The following RORA variants were observed in gnomAD, a reference collection of about 807,000 sequenced individuals.
The protein encoded by RORA is nuclear receptor ROR-alpha.
In RORA, 7 loss-of-function variants were observed where a neutral mutation model predicts 69.5. That is an observed-to-expected ratio of 0.10 (90% CI 0.06 to 0.19). The LOEUF is 0.19. RORA is among the 10% of genes least tolerant of loss of function. The probability of loss-of-function intolerance (pLI) is 1.00; values close to 1 mark genes in which losing one functional copy is unlikely to be tolerated. For synonymous variants in RORA, 261 were observed against 240.8 expected, an observed-to-expected ratio of 1.08 and a Z score of -0.78; for missense variants, 457 against 663.0, an observed-to-expected ratio of 0.69 and a Z score of 3.41.
At position 60,492,277 on chromosome 15, in the gene RORA, A is replaced by G. The variant is rs893644178; in HGVS notation, c.*5178T>C. ...AACTTCTCTGACTTTATGGAAAGTA[A>G]TATGTGGAATATGATAACAAAACGG... On this transcript the variant is annotated 3_prime_UTR_variant, in exon 11 of 11. Transcript: ENST00000335670. 6.6e-6 allele frequency: 1 copy of G among 152,236 alleles called. No individual in the cohort carries two copies. Among genetic ancestry groups the G allele is most frequent in the Admixed American group, 6.5e-5 (1 of 15,280 alleles). The allele number at this position is 152,236 out of a possible 1,614,324, so 9.4% of individuals were successfully genotyped here. A position where few individuals can be genotyped will look rare whatever the true frequency, so the allele number is the denominator to read the frequency against.
At chr15:61,200,114 G>GA (rs1173674072) in intron 1 of RORA, among the ~76,000 whole-genome samples, 1 of 152,208 alleles carries the variant, frequency 6.6e-6, no homozygotes, top group Non-Finnish European at 1.5e-5. Flanking sequence ...TTGGGGAACA[G>GA]AAAGAGACAC....
At chr15:60,713,819 T>C (rs143675678) in intron 1 of RORA, among the ~76,000 whole-genome samples, 2 of 152,304 alleles carry the variant, frequency 1.3e-5, no homozygotes, top group Non-Finnish European at 2.9e-5. Flanking sequence ...ACTACTATCA[T>C]CATTTTAATT....
At chr15:60,590,175 A>ATCTCTC (rs56192812) in intron 2 of RORA, among the ~76,000 whole-genome samples, 1,656 of 146,796 alleles carry the variant, frequency 0.011, 16 homozygotes, top group African/African-American at 0.029. Flanking sequence ...CTCTTCCTCT[A>ATCTCTC]TCTCTCTCTC....
At chr15:60,885,500 A>ACATT (rs1203668147) in intron 1 of RORA, among the ~76,000 whole-genome samples, 3 of 152,224 alleles carry the variant, frequency 2.0e-5, no homozygotes, top group African/African-American at 2.4e-5. Context: ...GACCCAAGAA[A>ACATT]CATTGTGAGA....
intron 1 of RORA, among the ~76,000 whole-genome samples, chr15:61,224,596 A>G (rs2899667): frequency 0.49 from 74,911 of 151,972 alleles, 21,431 homozygotes; most frequent in South Asian, 0.66. Context: ...CTAAACACAA[A>G]AATGGGAGAA....
chr15:60,814,292 G>C (rs1056252849), intron 1 of RORA, among the ~76,000 whole-genome samples: 1 of 152,144 alleles, frequency 6.6e-6, no homozygotes, highest in African/African-American at 2.4e-5. Context: ...AAGGCGTTCT[G>C]CATGTGACTC....
intron 1 of RORA, among the ~76,000 whole-genome samples, chr15:60,882,307 G>A (rs971241934): frequency 6.6e-6 from 1 of 152,220 alleles, no homozygotes; most frequent in African/African-American, 2.4e-5. Flanking sequence ...CGACAACTAG[G>A]AGGGGAGTAT....
At position 60,488,654 on chromosome 15, in the gene RORA, G is replaced by T. The variant is rs562467553; in HGVS notation, c.*8801C>A. Reference sequence around the variant, plus strand: ...TTAGCAAAGTTTTAGTTCAATACTAGTTTTAGGATTCCCATAAATGGCTTG... The same window carrying T: ...TTAGCAAAGTTTTAGTTCAATACTATTTTTAGGATTCCCATAAATGGCTTG... On this transcript the variant is annotated 3_prime_UTR_variant, in exon 11 of 11. Transcript: ENST00000335670. 2 of 152,350 alleles carry T rather than the reference G, an allele frequency of 1.3e-5. No homozygotes were observed. Among genetic ancestry groups the T allele is most frequent in the Admixed American group, 1.3e-4 (2 of 15,308 alleles). 9.4% of individuals were successfully genotyped at this position (152,350 alleles called of 1,614,324 possible). A position where few individuals can be genotyped will look rare whatever the true frequency, so the allele number is the denominator to read the frequency against.
chr15:60,769,999 C>T (rs1012259695), intron 1 of RORA, among the ~76,000 whole-genome samples: 2 of 152,170 alleles, frequency 1.3e-5, no homozygotes, highest in African/African-American at 4.8e-5. Flanking sequence ...TGTGCTATAA[C>T]CTGTTTTGAG....
intron 1 of RORA, chr15:61,214,354 G>A (rs576223855): frequency 6.6e-6 from 1 of 152,198 alleles, no homozygotes; most frequent in Non-Finnish European, 1.5e-5. Flanking sequence ...CATTGATACT[G>A]TCTACTATCT....
intron 1 of RORA, among the ~76,000 whole-genome samples, chr15:60,704,076 C>T (rs979256893): frequency 1.3e-5 from 2 of 152,152 alleles, no homozygotes; most frequent in Non-Finnish European, 1.5e-5. Context: ...TTTCAAAAAA[C>T]ATCAATTCTA....
intron 2 of RORA, among the ~76,000 whole-genome samples, chr15:60,623,320 G>C (rs2069470808): frequency 6.6e-6 from 1 of 152,188 alleles, no homozygotes; most frequent in South Asian, 2.1e-4. Context: ...ATGCCCAGGA[G>C]GGGGCAGTCA....
At chr15:61,054,657 C>G (rs1326120900) in intron 1 of RORA, among the ~76,000 whole-genome samples, 2 of 152,068 alleles carry the variant, frequency 1.3e-5, no homozygotes, top group Non-Finnish European at 2.9e-5. Flanking sequence ...ACTCTAATTA[C>G]TTTTGAGGTG....
In RORA at chr15:60,934,908, C is replaced by G. The variant is rs552403725; in HGVS notation, c.167-256222G>C. On this transcript the variant is annotated intron_variant, in intron 1 of 10. Coordinates refer to ENST00000335670, the MANE Select transcript of RORA (RefSeq NM_134261.3). ...ATTGGCTGCACTGCCTGTTCCTTGC[C>G]TATAAAATACAAACTCCACAGCCAA... is the stretch of plus-strand genomic sequence containing the variant. Among the ~76,000 whole-genome samples, 8 of 152,326 alleles carry G rather than the reference C, an allele frequency of 5.3e-5. No individual in the cohort carries two copies. In the South Asian group the frequency reaches 1.7e-3, roughly 32 times the overall value.
chr15:61,181,689 A>C (rs1033047531), intron 1 of RORA, among the ~76,000 whole-genome samples: 52 of 151,688 alleles, frequency 3.4e-4, no homozygotes, highest in Non-Finnish European at 6.9e-4. Context: ...GCAAAAAAAA[A>C]AAAAAAAAAA....
chr15:61,151,434 A>G (rs1474036850), intron 1 of RORA, among the ~76,000 whole-genome samples: 2 of 152,226 alleles, frequency 1.3e-5, no homozygotes, highest in Non-Finnish European at 2.9e-5. Flanking sequence ...TTTTGGAAAG[A>G]TATGTCTAGA....
intron 2 of RORA, among the ~76,000 whole-genome samples, chr15:60,567,631 G>A (rs1223863692): frequency 2.6e-5 from 4 of 151,934 alleles, no homozygotes; most frequent in Admixed American, 6.6e-5. Context: ...GGCTGGTCTG[G>A]AACTCTTGGC....
chr15:60,727,476 A>G (rs1385034133), intron 1 of RORA, among the ~76,000 whole-genome samples: 2 of 152,172 alleles, frequency 1.3e-5, no homozygotes, highest in African/African-American at 2.4e-5. Flanking sequence ...CCACAATAAG[A>G]GCCTCACATT....
intron 1 of RORA, among the ~76,000 whole-genome samples, chr15:61,166,528 T>A (rs370216600): frequency 3.3e-5 from 5 of 152,284 alleles, no homozygotes; most frequent in South Asian, 2.1e-4. Context: ...TAATTGCACA[T>A]CCATTGACAA....
Sources: gnomAD v4.1 joint callset for allele counts (sites outside exome capture counted in the v4.1 genomes callset) on GRCh38, gnomAD v4.1.1 for gene constraint, MANE v1.5 for transcripts, NCBI Gene and HGNC (gene_info 2026-07-23, HGNC 2026-07-21) for gene names.